Variants in ZNF518A observed in about 807,000 individuals in gnomAD.
ZNF518A encodes zinc finger protein 518A, also known as zinc finger protein 518.
Under a neutral mutation model 102.7 loss-of-function variants are expected in ZNF518A, and 47 were observed. The observed-to-expected ratio is 0.46, with a 90% CI of 0.36 to 0.58. The LOEUF is 0.58. Ranked by LOEUF, ZNF518A falls within the 20% of genes least tolerant of loss-of-function variation. The pLI, the probability that ZNF518A is intolerant of heterozygous loss-of-function variation, is 0.00. For synonymous variants in ZNF518A, 652 were observed against 594.6 expected (o/e 1.10, Z -1.40); for missense variants, 1,793 against 1,699.8 (o/e 1.05, Z -0.96).
intron 1 of ZNF518A, among the ~76,000 whole-genome samples, chr10:96,193,355 T>A (rs1554893950): frequency 6.6e-6 from 1 of 152,190 alleles, no homozygotes; most frequent in Non-Finnish European, 1.5e-5. Flanking sequence ...TTGAAGTGGA[T>A]TACAAGGGAA....
chr10:96,164,913 GA>G (rs2083112468), downstream of ZNF518A, among the ~76,000 whole-genome samples: 1 of 152,204 alleles, frequency 6.6e-6, no homozygotes, highest in African/African-American at 2.4e-5. Context: ...ATTAAGGAGT[GA>G]AATGTTGCCT....
rs370042568 is a variant in ZNF518A at position 96,157,355 on chromosome 10, A to G, written c.1033A>G (p.Thr345Ala). ...AAGTGACAGAAGTATAGAAAAGAAC[A>G]CTCAAGTGCTTAAGAAAATGAACAA... ...SGSDRSIEKN[T>A]QVLKKMNKTQ... Residue 345 changes from threonine to alanine, a missense_variant, in exon 6 of 6, where the codon ACT (threonine) becomes GCT (alanine). By Grantham distance (58) the Thr-to-Ala change is moderately conservative (BLOSUM62 0). Coordinates refer to ENST00000316045, the MANE Select transcript of ZNF518A (RefSeq NM_001330736.2). 6.2e-7 allele frequency: 1 copy of G among 1,610,618 alleles called. No individual in the cohort carries two copies. Among genetic ancestry groups the G allele is most frequent in the African/African-American group, 1.3e-5 (1 of 74,848 alleles).
intron 1 of ZNF518A, among the ~76,000 whole-genome samples, chr10:96,174,992 C>A (rs1463021079): frequency 1.3e-5 from 2 of 152,018 alleles, no homozygotes; most frequent in Non-Finnish European, 2.9e-5. Context: ...CATGAGGATA[C>A]AACAGGAAGT....
chr10:96,149,430 A>G (rs1216965944), intron 3 of ZNF518A, among the ~76,000 whole-genome samples: 1 of 152,172 alleles, frequency 6.6e-6, no homozygotes, highest in Non-Finnish European at 1.5e-5. Flanking sequence ...CGTTTTACCC[A>G]CTGTAGAGAG....
At chr10:96,164,273 TC>T (rs2083100092), downstream of ZNF518A, among the ~76,000 whole-genome samples, 1 of 152,280 alleles carries the variant, frequency 6.6e-6, no homozygotes, top group African/African-American at 2.4e-5. Context: ...ACCATTGACA[TC>T]TACTTCCTTC....
chr10:96,165,735 T>G (rs12269566), downstream of ZNF518A, among the ~76,000 whole-genome samples: 322 of 152,334 alleles, frequency 2.1e-3, 1 homozygote, highest in African/African-American at 7.6e-3. Context: ...ACAGAGGTTC[T>G]GTTCAGTGGA....
chr10:96,161,931 C>G lies in ZNF518A; in HGVS notation c.*1157C>G, dbSNP rs1387800876. Reference sequence around the variant, plus strand: ...TTAGGATAGATTCCTAAGGGACATGCCCAACAGAGTTTTAAAATGGATGTT... The same window carrying G: ...TTAGGATAGATTCCTAAGGGACATGGCCAACAGAGTTTTAAAATGGATGTT... On this transcript the variant is annotated 3_prime_UTR_variant, in exon 6 of 6. Transcript: ENST00000316045. The G allele has an allele frequency of 6.0e-6, 1 of 166,796 alleles. No individual in the cohort carries two copies. The highest frequency in any genetic ancestry group is 1.9e-4 in the East Asian group (1 of 5,198). 10.3% of individuals were successfully genotyped at this position (166,796 alleles called of 1,614,324 possible). A position where few individuals can be genotyped will look rare whatever the true frequency, so the allele number is the denominator to read the frequency against.
intron 1 of ZNF518A, among the ~76,000 whole-genome samples, chr10:96,178,747 C>G: frequency 6.6e-6 from 1 of 151,958 alleles, no homozygotes; most frequent in East Asian, 1.9e-4. Context: ...GACATTACTA[C>G]AGATCTGACA....
Position 96,158,705 on chromosome 10 carries a change from C to T in ZNF518A, c.2383C>T (p.Pro795Ser). ...QLLQDVLKIK[P>S]DVKQDSSNTP... ...GCTTCAGGATGTATTGAAAATAAAACCTGATGTAAAACAAGACTCTAGTAA... is the reference window on the plus strand; with the variant it reads ...GCTTCAGGATGTATTGAAAATAAAATCTGATGTAAAACAAGACTCTAGTAA... The change falls in exon 6 of 6, where the codon CCT becomes TCT. Residue 795 changes from proline to serine, a missense_variant. By Grantham distance (74) the Pro-to-Ser change is moderately conservative (BLOSUM62 -1). Around this residue, in one of 3 missense-constraint regions of ZNF518A, gnomAD observed 1,741 missense variants for 1,622.6 expected, o/e 1.07. Transcript: ENST00000316045. 1 of 1,613,324 alleles carries T rather than the reference C, an allele frequency of 6.2e-7. No individual in the cohort carries two copies. Among genetic ancestry groups the T allele is most frequent in the South Asian group, 1.1e-5 (1 of 91,006 alleles).
chr10:96,172,565 CAG>C (rs1464736703), intron 1 of ZNF518A, among the ~76,000 whole-genome samples: 1 of 151,882 alleles, frequency 6.6e-6, no homozygotes, highest in South Asian at 2.1e-4. Context: ...GGGGAGGGAA[CAG>C]AGCCATATAG....
At chr10:96,178,643 G>A (rs2083220160) in intron 1 of ZNF518A, among the ~76,000 whole-genome samples, 2 of 151,590 alleles carry the variant, frequency 1.3e-5, no homozygotes, top group South Asian at 4.2e-4. Flanking sequence ...CAAACAATAG[G>A]GAAAATTAAT....
At chr10:96,168,325 A>G (rs375942028), downstream of ZNF518A, among the ~76,000 whole-genome samples, 60 of 151,898 alleles carry the variant, frequency 4.0e-4, 1 homozygote, top group South Asian at 5.4e-3. Context: ...TTTTTTGCTC[A>G]CCACACGGGA....
At chr10:96,194,768 A>ATTTTTTTTTTTTTTTTTTTTTTT (rs71034364) in intron 1 of ZNF518A, among the ~76,000 whole-genome samples, 1 of 110,286 alleles carries the variant, frequency 9.1e-6, no homozygotes, top group Admixed American at 1.1e-4. Flanking sequence ...AGAAATGCAA[A>ATTTTTTTTTTTTTTTTTTTTTTT]TTTTTTTTTT....
rs1473923457 is a variant in ZNF518A, at chr10:96,161,247, A to T, written c.*473A>T. On this transcript the variant is annotated 3_prime_UTR_variant, in exon 6 of 6. Transcript: ENST00000316045. The stretch of plus-strand genomic sequence containing the variant: ...GAAGATACTTTGAGAGAACCTGGGT[A>T]AAGAAGTCACTCTATATCTGCTAAA... 5.9e-6 allele frequency: 1 copy of T among 168,150 alleles called. No homozygotes were observed. The highest frequency in any genetic ancestry group is 1.5e-5 in the Non-Finnish European group (1 of 68,948). 10.4% of individuals were successfully genotyped at this position (168,150 alleles called of 1,614,324 possible).
chr10:96,142,190 A>G (rs1395658693), intron 3 of ZNF518A, among the ~76,000 whole-genome samples: 1 of 151,050 alleles, frequency 6.6e-6, no homozygotes, highest in Admixed American at 6.6e-5. Flanking sequence ...CTTTTTGAAA[A>G]CTTAAAACAG....
At chr10:96,192,200 C>T (rs2083343811) in intron 1 of ZNF518A, 4 of 1,447,556 alleles carry the variant, frequency 2.8e-6, no homozygotes, top group Non-Finnish European at 9.5e-7. Flanking sequence ...TATTACACCC[C>T]AGCTGACATT....
chr10:96,149,998 G>T (rs587598205), intron 3 of ZNF518A, among the ~76,000 whole-genome samples: 1 of 151,936 alleles, frequency 6.6e-6, no homozygotes, highest in South Asian at 2.1e-4. Flanking sequence ...TTGTCTTCTC[G>T]TGTTTAGAGT....
intron 3 of ZNF518A, among the ~76,000 whole-genome samples, chr10:96,136,693 T>TA (rs1419253753): frequency 1.3e-5 from 2 of 152,002 alleles, no homozygotes; most frequent in Non-Finnish European, 2.9e-5. Context: ...GGAACAGACT[T>TA]AAAGTGATGA....
At chr10:96,203,838 TA>T (rs1217189542) in intron 2 of ZNF518A, 18 of 412,990 alleles carry the variant, frequency 4.4e-5, no homozygotes, top group African/African-American at 2.5e-4. Flanking sequence ...AAATCGCTAC[TA>T]AAAAAAGTAA....
Sources: gnomAD v4.1 joint callset for allele counts (sites outside exome capture counted in the v4.1 genomes callset) on GRCh38, gnomAD v4.1.1 for gene constraint, gnomAD v4.1.1 regional missense constraint, MANE v1.5 for transcripts, NCBI Gene and HGNC (gene_info 2026-07-23, HGNC 2026-07-21) for gene names.